Variants in BTBD9 observed in about 807,000 individuals in gnomAD.
The protein encoded by BTBD9 is BTB domain containing 9, also known as BTB/POZ domain-containing protein 9.
Under a neutral mutation model 64.3 loss-of-function variants are expected in BTBD9, and 49 were observed. The ratio of observed to expected loss-of-function variants is 0.76; its 90% CI spans 0.61 to 0.97. The LOEUF is 0.97. Ranked by LOEUF, BTBD9 falls within the 50% of genes least tolerant of loss-of-function variation. The pLI, the probability that BTBD9 is intolerant of heterozygous loss-of-function variation, is 0.00. For missense variants in BTBD9, 598 were observed against 762.1 expected (o/e 0.78, Z 2.53); for synonymous variants, 260 against 274.7 (o/e 0.95, Z 0.53).
At chr6:38,473,134 A>G (rs1293059639) in intron 6 of BTBD9, among the ~76,000 whole-genome samples, 1 of 152,216 alleles carries the variant, frequency 6.6e-6, no homozygotes, top group Admixed American at 6.5e-5. Context: ...GGATTCAGTA[A>G]TAGAGATGAC....
chr6:38,260,168 C>A (rs985352734), intron 8 of BTBD9, among the ~76,000 whole-genome samples: 1 of 152,164 alleles, frequency 6.6e-6, no homozygotes, highest in Non-Finnish European at 1.5e-5. Context: ...CTGCTTCAAA[C>A]ATGTAGGCTC....
chr6:38,462,034 G>C (rs1770108407), intron 6 of BTBD9, among the ~76,000 whole-genome samples: 1 of 152,088 alleles, frequency 6.6e-6, no homozygotes, highest in South Asian at 2.1e-4. Flanking sequence ...TGTTGTTGTT[G>C]TTGAATTGTA....
At chr6:38,206,682 A>C (rs1427265000) in intron 9 of BTBD9, among the ~76,000 whole-genome samples, 1 of 152,226 alleles carries the variant, frequency 6.6e-6, no homozygotes, top group Non-Finnish European at 1.5e-5. Flanking sequence ...TGATTTAACT[A>C]AACAGGAGGA....
At chr6:38,297,533 C>T (rs1462242886) in intron 7 of BTBD9, among the ~76,000 whole-genome samples, 1 of 152,082 alleles carries the variant, frequency 6.6e-6, no homozygotes, top group Non-Finnish European at 1.5e-5. Context: ...TATTACTGTT[C>T]GTTATTCTTA....
chr6:38,584,253 G>A (rs1776413612), intron 4 of BTBD9, among the ~76,000 whole-genome samples: 1 of 152,144 alleles, frequency 6.6e-6, no homozygotes. Flanking sequence ...ACTTGAACCT[G>A]GGAGGTGGAG....
At chr6:38,235,450 T>C (rs1394282175) in intron 9 of BTBD9, among the ~76,000 whole-genome samples, 1 of 152,196 alleles carries the variant, frequency 6.6e-6, no homozygotes, top group Non-Finnish European at 1.5e-5. Flanking sequence ...GAAATGATTC[T>C]GAAACCTGAG....
intron 7 of BTBD9, among the ~76,000 whole-genome samples, chr6:38,305,483 T>A (rs1222506556): frequency 1.3e-5 from 2 of 152,148 alleles, no homozygotes; most frequent in Non-Finnish European, 2.9e-5. Context: ...ATTGTTTTTG[T>A]TTGTTTTGTT....
At chr6:38,217,038 G>C (rs1326583136) in intron 9 of BTBD9, among the ~76,000 whole-genome samples, 2 of 151,778 alleles carry the variant, frequency 1.3e-5, no homozygotes, top group African/African-American at 4.8e-5. Flanking sequence ...GCCAGGCGCA[G>C]TAGCTCATGC....
intron 9 of BTBD9, among the ~76,000 whole-genome samples, chr6:38,217,153 A>C (rs1355629236): frequency 1.9e-4 from 6 of 31,912 alleles, no homozygotes; most frequent in Non-Finnish European, 4.8e-4. Context: ...CTAAGGATAC[A>C]AAAAAAAAAA....
intron 6 of BTBD9, among the ~76,000 whole-genome samples, chr6:38,414,553 A>C (rs1469196031): frequency 1.3e-5 from 2 of 151,646 alleles, no homozygotes; most frequent in Non-Finnish European, 2.9e-5. Context: ...TTTTTCCTTC[A>C]CATCAATCTC....
At chr6:38,597,531 T>A (rs1304330034) in intron 2 of BTBD9, among the ~76,000 whole-genome samples, 1 of 152,226 alleles carries the variant, frequency 6.6e-6, no homozygotes, top group Non-Finnish European at 1.5e-5. Context: ...CCAAGGGGTA[T>A]ATGTGTCCAT....
chr6:38,587,608 CGAAGACCCCTT>C, intron 4 of BTBD9: 1 of 580,606 alleles, frequency 1.7e-6, no homozygotes. Context: ...TAATGGCCAA[CGAAGACCCCTT>C]GAATCAAGTC....
At position 38,254,189 on chromosome 6, in the gene BTBD9, G is replaced by A. The variant is rs188219323; in HGVS notation, c.1562+2220C>T. Among the ~76,000 whole-genome samples, 31 of 151,666 alleles carry A rather than the reference G, an allele frequency of 2.0e-4. No individual in the cohort carries two copies. In the South Asian group the frequency reaches 2.3e-3, roughly 11 times the overall value. On this transcript the variant is annotated intron_variant, in intron 9 of 10. Coordinates refer to ENST00000481247, the MANE Select transcript of BTBD9 (RefSeq NM_001099272.2). Reference sequence around the variant, plus strand: ...CAAGAAAGAAGCTGCCTCGGTTCCTGTCACTTCTGGGAAAATCACTTAACT... The same window carrying A: ...CAAGAAAGAAGCTGCCTCGGTTCCTATCACTTCTGGGAAAATCACTTAACT...
intron 10 of BTBD9, among the ~76,000 whole-genome samples, chr6:38,180,984 T>C (rs973490361): frequency 2.0e-5 from 3 of 152,160 alleles, no homozygotes; most frequent in African/African-American, 7.2e-5. Flanking sequence ...ATAGGCTGGG[T>C]GTTCTTTTCC....
intron 6 of BTBD9, among the ~76,000 whole-genome samples, chr6:38,521,419 T>C (rs55949948): frequency 0.43 from 65,491 of 152,148 alleles, 15,583 homozygotes; most frequent in Middle Eastern, 0.53. Flanking sequence ...AGTATCCTTA[T>C]ATGAAATGCT....
intron 9 of BTBD9, among the ~76,000 whole-genome samples, chr6:38,205,781 G>C (rs895265411): frequency 5.3e-5 from 8 of 150,316 alleles, no homozygotes; most frequent in African/African-American, 2.0e-4. Context: ...CTACTCAGGA[G>C]GCTGAGGCAT....
At chr6:38,339,218 C>T (rs1764012763) in intron 7 of BTBD9, among the ~76,000 whole-genome samples, 1 of 152,122 alleles carries the variant, frequency 6.6e-6, no homozygotes, top group Admixed American at 6.6e-5. Flanking sequence ...AACGGTTCAT[C>T]AATAGAAAAC....
chr6:38,413,909 G>A (rs148326783), intron 6 of BTBD9, among the ~76,000 whole-genome samples: 42 of 152,110 alleles, frequency 2.8e-4, no homozygotes, highest in African/African-American at 9.4e-4. Flanking sequence ...TTGTAATAAG[G>A]TGTCTATTGA....
rs368833366 is a variant in BTBD9, at chr6:38,192,544, A to G, written c.1616T>C (p.Val539Ala). The G allele has an allele frequency of 1.9e-6, 3 of 1,613,974 alleles. No homozygotes were observed. Among genetic ancestry groups the G allele is most frequent in the Non-Finnish European group, 2.5e-6 (3 of 1,179,950 alleles). ...ERQPASFIRI[V>A]GTHNTANEVF... The stretch of plus-strand genomic sequence containing the variant: ...CTCATTTGCTGTGTTGTGTGTCCCA[A>G]CGATACGGATGAAGGAGGCAGGCTG... Residue 539 changes from valine (V) to alanine (A), a missense_variant, in exon 10 of 11, where the codon GTT becomes GCT. By Grantham distance (64) the Val-to-Ala change is moderately conservative. Coordinates refer to ENST00000481247, the MANE Select transcript of BTBD9 (RefSeq NM_001099272.2).
Sources: gnomAD v4.1 joint callset for allele counts (sites outside exome capture counted in the v4.1 genomes callset) on GRCh38, gnomAD v4.1.1 for gene constraint, MANE v1.5 for transcripts, NCBI Gene and HGNC (gene_info 2026-07-23, HGNC 2026-07-21) for gene names.